PCOLCE2: variants seen among roughly 807,000 people sequenced by gnomAD.
PCOLCE2 encodes the protein procollagen C-endopeptidase enhancer 2.
PCOLCE2 carries 42 observed loss-of-function variants against 47.0 expected under a neutral mutation model. That is an observed-to-expected ratio of 0.89 (90% confidence interval 0.70 to 1.16). The LOEUF is 1.16. Ranked by LOEUF, PCOLCE2 falls within the 50% of genes most tolerant of loss-of-function variation. The pLI is 0.00. For missense variants in PCOLCE2, 500 were observed against 526.1 expected (o/e 0.95, Z 0.49); for synonymous variants, 169 against 191.7 (o/e 0.88, Z 0.98).
chr3:142,827,361 C>T, intron 6 of PCOLCE2: 1 of 1,521,890 alleles, frequency 6.6e-7, no homozygotes, highest in Non-Finnish European at 9.1e-7. Context: ...CCACCTCCAG[C>T]CACCACACCA....
At chr3:142,869,786 G>A (rs749404940) in intron 2 of PCOLCE2, among the ~76,000 whole-genome samples, 5 of 152,244 alleles carry the variant, frequency 3.3e-5, no homozygotes, top group African/African-American at 4.8e-5. Flanking sequence ...TTTCTGGACC[G>A]AACCAATGTA....
chr3:142,837,136 G>A (rs1291118909), intron 5 of PCOLCE2, among the ~76,000 whole-genome samples: 1 of 152,220 alleles, frequency 6.6e-6, no homozygotes, highest in East Asian at 1.9e-4. Context: ...AAGGAAGAGG[G>A]CTACAAGCCA....
Position 142,823,577 on chromosome 3 carries a change from TAC to T in PCOLCE2, c.902_903del (p.Cys301Ter), listed in dbSNP as rs759175015. ...TTGCCCTCCAGAGTCCCCGTCCGTCTACACTTTTGTTGACACAAGGCCACGGT... is the reference window on the plus strand; with the variant it reads ...TTGCCCTCCAGAGTCCCCGTCCGTCTACTTTTGTTGACACAAGGCCACGGT... The part of the protein sequence containing the change: ...KPTVALCQQK[C>X]RRTGTLEGNY... On this transcript the variant is annotated frameshift_variant, in exon 7 of 9. Transcript: ENST00000295992. LOFTEE classifies it high-confidence loss of function. The T allele has an allele frequency of 6.2e-7, 1 of 1,611,328 alleles. No individual in the cohort carries two copies. The highest frequency in any genetic ancestry group is 8.5e-7 in the Non-Finnish European group (1 of 1,177,610).
Position 142,888,856 on chromosome 3 carries a change from A to G in PCOLCE2, c.41T>C (p.Leu14Pro), listed in dbSNP as rs769742187. The G allele has an allele frequency of 6.4e-7, 1 of 1,550,484 alleles. No homozygotes were observed. The highest frequency in any genetic ancestry group is 2.6e-5 in the East Asian group (1 of 38,554). The change falls in exon 1 of 9, where the codon CTG becomes CCG. Residue 14 changes from leucine (L) to proline (P), a missense_variant. Leu to Pro is a moderately conservative substitution (Grantham distance 98, BLOSUM62 -3). Transcript: ENST00000295992. ...ANAWAPLCLL[L>P]AAATQLSRQQ... The stretch of plus-strand genomic sequence containing the variant: ...CCGCGAGAGCTGGGTGGCGGCAGCC[A>G]GCAGCAGGCAGAGTGGCGCCCAGGC...
chr3:142,863,339 C>T (rs946096100), intron 2 of PCOLCE2, among the ~76,000 whole-genome samples: 8 of 152,080 alleles, frequency 5.3e-5, no homozygotes. Flanking sequence ...AGAAGTAGGG[C>T]AGAGGGACAG....
chr3:142,820,431 C>G (rs958286480), intron 8 of PCOLCE2, among the ~76,000 whole-genome samples: 5 of 152,150 alleles, frequency 3.3e-5, no homozygotes, highest in African/African-American at 1.2e-4. Context: ...TAATTTCTTT[C>G]AATAAACTCA....
chr3:142,837,199 T>C (rs557668687), intron 5 of PCOLCE2, among the ~76,000 whole-genome samples: 1 of 152,318 alleles, frequency 6.6e-6, no homozygotes, highest in African/African-American at 2.4e-5. Flanking sequence ...CAGATTCCCT[T>C]TCAGAGCTTT....
At chr3:142,844,841 CTATTTG>C (rs1302467114) in intron 3 of PCOLCE2, among the ~76,000 whole-genome samples, 1 of 152,128 alleles carries the variant, frequency 6.6e-6, no homozygotes, top group African/African-American at 2.4e-5. Flanking sequence ...CTTCTGTAGG[CTATTTG>C]TATTTGTAAC....
intron 2 of PCOLCE2, among the ~76,000 whole-genome samples, chr3:142,867,720 A>G (rs2108206523): frequency 6.6e-6 from 1 of 152,346 alleles, no homozygotes; most frequent in African/African-American, 2.4e-5. Context: ...ATGATACCAA[A>G]TATCAGAAGG....
At chr3:142,856,260 G>A (rs1017994638) in intron 2 of PCOLCE2, among the ~76,000 whole-genome samples, 7 of 152,088 alleles carry the variant, frequency 4.6e-5, no homozygotes, top group African/African-American at 9.7e-5. Flanking sequence ...CAGAATCATC[G>A]AGGCACATAC....
At chr3:142,878,252 C>T (rs1298359679) in intron 2 of PCOLCE2, among the ~76,000 whole-genome samples, 1 of 152,092 alleles carries the variant, frequency 6.6e-6, no homozygotes, top group Non-Finnish European at 1.5e-5. Flanking sequence ...GTTATAATTC[C>T]AACTCCCCAC....
At chr3:142,885,991 C>T (rs1933711634) in intron 2 of PCOLCE2, among the ~76,000 whole-genome samples, 1 of 152,212 alleles carries the variant, frequency 6.6e-6, no homozygotes. Flanking sequence ...TACACTATCT[C>T]ATTTTGTCTT....
chr3:142,854,723 C>T (rs1356807242), intron 2 of PCOLCE2, among the ~76,000 whole-genome samples: 1 of 152,212 alleles, frequency 6.6e-6, no homozygotes, highest in African/African-American at 2.4e-5. Flanking sequence ...CCACCCAAAA[C>T]TTTCCCACTG....
At chr3:142,836,222 C>G (rs1411547965) in intron 5 of PCOLCE2, among the ~76,000 whole-genome samples, 1 of 152,184 alleles carries the variant, frequency 6.6e-6, no homozygotes, top group East Asian at 1.9e-4. Context: ...AAAGCCAAGG[C>G]AAAACCAGCC....
chr3:142,818,539 C>T (rs1936977076), intron 8 of PCOLCE2, 74 bp from the exon 9 acceptor site: 23 of 1,069,344 alleles, frequency 2.2e-5, no homozygotes, highest in Non-Finnish European at 3.0e-5. Context: ...CTGTAAGTTA[C>T]CTCTAGATAA....
chr3:142,845,566 T>C (rs920293812), intron 3 of PCOLCE2, among the ~76,000 whole-genome samples: 3 of 152,276 alleles, frequency 2.0e-5, no homozygotes, highest in Non-Finnish European at 1.5e-5. Flanking sequence ...AGTGTAAGTA[T>C]AAAAATGCCT....
rs563520880 is a variant in PCOLCE2, at chr3:142,842,951, C to T, written c.546G>A (p.Val182=). 1 of 1,614,128 alleles carries T rather than the reference C, an allele frequency of 6.2e-7. No homozygotes were observed. The highest frequency in any genetic ancestry group is 1.1e-5 in the South Asian group (1 of 91,078). ...DRDYPAGVTC[V]WHIVAPKNQL... is the part of the protein sequence containing the mutation. ...GATTCTTTGGGGCTACAATGTGCCA[C>T]ACACAAGTGACTCCTGCAGGGTAAT... Residue 182 remains valine (V), a synonymous_variant, in exon 4 of 9, where the codon GTG becomes GTA. Transcript: ENST00000295992. The surrounding 1 kb of genome is among the most constrained non-coding windows in gnomAD (Gnocchi z 4.1).
intron 6 of PCOLCE2, chr3:142,827,571 T>C (rs1937097284): frequency 1.4e-6 from 2 of 1,472,376 alleles, no homozygotes; most frequent in Admixed American, 3.4e-5. Flanking sequence ...GGGAGCACAC[T>C]GCCAATGTTG....
chr3:142,876,327 C>T (rs72994582), intron 2 of PCOLCE2, among the ~76,000 whole-genome samples: 17,652 of 152,078 alleles, frequency 0.12, 1,871 homozygotes, highest in African/African-American at 0.29. Flanking sequence ...GCTGTACACA[C>T]AGTAATTTCA....
Sources: allele counts gnomAD v4.1 joint callset (sites outside exome capture counted in the v4.1 genomes callset), GRCh38; gene constraint gnomAD v4.1.1; non-coding constraint Gnocchi (gnomAD v3.1); transcripts MANE v1.5; gene names NCBI Gene and HGNC (gene_info 2026-07-23, HGNC 2026-07-21).